Variants in HTT observed in about 807,000 individuals in gnomAD.
HTT encodes huntington disease protein.
HTT carries 104 observed loss-of-function variants against 362.3 expected under a neutral mutation model. The observed-to-expected ratio is 0.29, with a 90% CI of 0.24 to 0.34. HTT has a LOEUF of 0.34. Ranked by LOEUF, HTT falls within the 10% of genes least tolerant of loss-of-function variation. HTT has a pLI of 1.00. For missense variants in HTT, 3,301 were observed against 3,928.6 expected, an observed-to-expected ratio of 0.84 and a Z score of 4.27; for synonymous variants, 1,577 against 1,548.7, an observed-to-expected ratio of 1.02 and a Z score of -0.43.
At chr4:3,227,030 A>G (rs1243903212) in intron 57 of HTT, among the ~76,000 whole-genome samples, 1 of 152,234 alleles carries the variant, frequency 6.6e-6, no homozygotes, top group African/African-American at 2.4e-5. Flanking sequence ...GCTGAGAGTG[A>G]GAGGCCTGGG....
intron 1 of HTT, among the ~76,000 whole-genome samples, chr4:3,081,550 C>CTTTTTTT (rs770325842): frequency 6.0e-4 from 51 of 84,472 alleles, no homozygotes; most frequent in African/African-American, 1.1e-3. Flanking sequence ...GAAAGCATTT[C>CTTTTTTT]TTTTTTTTTT....
In HTT at chr4:3,211,987, G is replaced by A; in HGVS notation, c.6473G>A (p.Gly2158Asp). 1 of 1,614,130 alleles carries A rather than the reference G, an allele frequency of 6.2e-7. No individual in the cohort carries two copies. The highest frequency in any genetic ancestry group is 8.5e-7 in the Non-Finnish European group (1 of 1,180,020). Residue 2158 changes from glycine to aspartate, a missense_variant, in exon 48 of 67, where the codon GGT becomes GAT. Physicochemically the swap from Gly to Asp is moderately conservative, Grantham distance 94 (BLOSUM62 -1). Transcript: ENST00000355072. Reference sequence around the variant, plus strand: ...AGCCTAGGGATGAGTGAAATTTCTGGTGGCCAGAAGAGTGCCCTTTTTGAA... The same window carrying A: ...AGCCTAGGGATGAGTGAAATTTCTGATGGCCAGAAGAGTGCCCTTTTTGAA... ...CLSLGMSEIS[G>D]GQKSALFEAA... is the part of the protein sequence containing the mutation.
At position 3,121,376 on chromosome 4, in the gene HTT, C is replaced by T. The variant is rs552345404; in HGVS notation, c.1217C>T (p.Ala406Val). 6.2e-7 allele frequency: 1 copy of T among 1,614,144 alleles called. No homozygotes were observed. The highest frequency in any genetic ancestry group is 2.2e-5 in the East Asian group (1 of 44,882). The change falls in exon 9 of 67, where the codon GCT becomes GTT. Residue 406 changes from alanine (A) to valine (V), a missense_variant. This residue lies in a region of HTT where 2,316 missense variants were observed against 2,658.5 expected (regional missense o/e 0.87). Transcript: ENST00000355072. ...TAVGGIGQLTAAKEESGGRSR... is the reference protein window; with the variant it reads ...TAVGGIGQLTVAKEESGGRSR... ...GTCGGGGGCATTGGGCAGCTCACCG[C>T]TGCTAAGGAGGAGTCTGGTGGCCGA...
chr4:3,167,298 C>T (rs1717765882), intron 29 of HTT, among the ~76,000 whole-genome samples: 1 of 152,098 alleles, frequency 6.6e-6, no homozygotes, highest in South Asian at 2.1e-4. Flanking sequence ...GTCTCGAACT[C>T]CTGACCTTGT....
At chr4:3,075,683 G>A (rs571333342) in intron 1 of HTT, among the ~76,000 whole-genome samples, 9 of 151,588 alleles carry the variant, frequency 5.9e-5, no homozygotes, top group African/African-American at 1.9e-4. Context: ...CGTCCAATGG[G>A]AGATTTCTTT....
chr4:3,089,625 A>G (rs961700787), intron 2 of HTT, among the ~76,000 whole-genome samples: 1 of 152,188 alleles, frequency 6.6e-6, no homozygotes, highest in Admixed American at 6.5e-5. Context: ...GATCTCCACC[A>G]TCCAGGTCTC....
At position 3,074,875 on chromosome 4, in the gene HTT, TCCAGCAGCAGCAGCA is replaced by T. The variant is rs1560534775; in HGVS notation, c.51_65del (p.Phe17_Gln22delinsLeu). The T allele has an allele frequency of 7.8e-7, 1 of 1,287,732 alleles. No homozygotes were observed. Among genetic ancestry groups the T allele is most frequent in the Admixed American group, 2.6e-5 (1 of 38,614 alleles). The allele number at this position is 1,287,732 out of a possible 1,614,324, so 79.8% of individuals were successfully genotyped here. Reference sequence around the variant, plus strand: ...AAGGCCTTCGAGTCCCTCAAGTCCTTCCAGCAGCAGCAGCAGCAGCAGCAGCAGCAGCAGCAGCAG... The same window carrying T: ...AAGGCCTTCGAGTCCCTCAAGTCCTTGCAGCAGCAGCAGCAGCAGCAGCAG... On this transcript the variant is annotated inframe_deletion, in exon 1 of 67. Transcript: ENST00000355072.
At position 3,208,912 on chromosome 4, in the gene HTT, G is replaced by GT. The variant is rs2110272078; in HGVS notation, c.6291+2dup. 1 of 1,609,570 alleles carries GT rather than the reference G, an allele frequency of 6.2e-7. No homozygotes were observed. The highest frequency in any genetic ancestry group is 8.5e-7 in the Non-Finnish European group (1 of 1,178,668). On this transcript the variant is annotated splice_donor_variant, in intron 46 of 66. Coordinates refer to ENST00000355072, the MANE Select transcript of HTT (RefSeq NM_001388492.1). LOFTEE classifies it high-confidence loss of function. ...ACTGGAAACAGTGAGTCCGGACAAA[G>GT]TAAGTGTCCAGCGTGTCTGCATGGG...
intron 8 of HTT, among the ~76,000 whole-genome samples, chr4:3,117,479 A>G (rs1373916423): frequency 6.6e-6 from 1 of 151,930 alleles, no homozygotes; most frequent in Non-Finnish European, 1.5e-5. Context: ...TTATCCTCTT[A>G]TTTCATCTAT....
At chr4:3,096,033 A>G (rs1209863276) in intron 2 of HTT, among the ~76,000 whole-genome samples, 5 of 152,244 alleles carry the variant, frequency 3.3e-5, no homozygotes, top group African/African-American at 1.2e-4. Flanking sequence ...ACAGAACGGA[A>G]AGAAGTTCAC....
chr4:3,207,691 A>G (rs1415966313), intron 45 of HTT, among the ~76,000 whole-genome samples: 1 of 152,230 alleles, frequency 6.6e-6, no homozygotes, highest in Non-Finnish European at 1.5e-5. Flanking sequence ...AGCAAAATCA[A>G]AGCATGTCAT....
chr4:3,115,685 G>A (rs574504455), intron 7 of HTT, among the ~76,000 whole-genome samples: 3 of 152,300 alleles, frequency 2.0e-5, no homozygotes, highest in African/African-American at 7.2e-5. Context: ...CTGCCACCCA[G>A]GGCCTGGCCC....
chr4:3,160,035 C>T (rs1717359815), intron 28 of HTT, among the ~76,000 whole-genome samples: 1 of 152,150 alleles, frequency 6.6e-6, no homozygotes, highest in Non-Finnish European at 1.5e-5. Context: ...TTATTTCTTC[C>T]AGTAGCGCCA....
At chr4:3,121,560 A>G (rs1715297660) in intron 9 of HTT, 128 bp downstream of exon 9, 2 of 644,490 alleles carry the variant, frequency 3.1e-6, no homozygotes, top group Non-Finnish European at 5.4e-6. Context: ...CTTATAATAC[A>G]AATTTCATCT....
At position 3,215,101 on chromosome 4, in the gene HTT, T is replaced by TAACA. The variant is rs1212467057; in HGVS notation, c.6953-7_6953-6insCAAA. On this transcript the variant is annotated splice_polypyrimidine_tract_variant and intron_variant, in intron 50 of 66. Transcript: ENST00000355072. ...AGAAATTCTTCTCTTTGTTCTGTTG[T>TAACA]AATTTTAGTTGCAGTGCAGCCTGGA... is the stretch of plus-strand genomic sequence containing the variant. 4 of 1,603,006 alleles carry TAACA rather than the reference T, an allele frequency of 2.5e-6. No homozygotes were observed. The African/African-American group carries it at 5.4e-5, about 21-fold the overall frequency.
At chr4:3,224,888 A>C (rs1414417691) in intron 56 of HTT, among the ~76,000 whole-genome samples, 1 of 152,212 alleles carries the variant, frequency 6.6e-6, no homozygotes, top group African/African-American at 2.4e-5. Context: ...CAAGGAGCTC[A>C]TAAGTCAGGA....
chr4:3,132,443 C>G (rs1395123114), intron 16 of HTT, 119 bp from the exon 17 acceptor site: 2 of 784,952 alleles, frequency 2.5e-6, no homozygotes, highest in African/African-American at 3.5e-5. Context: ...GAAGTCATTT[C>G]TGAATTTGGA....
chr4:3,190,557 C>A (rs1330516689), intron 40 of HTT, among the ~76,000 whole-genome samples: 3 of 151,578 alleles, frequency 2.0e-5, no homozygotes, highest in South Asian at 4.2e-4. Context: ...AGCAAGAGAC[C>A]CCATCTCCAC....
chr4:3,210,580 C>T (rs1267423459), intron 47 of HTT, among the ~76,000 whole-genome samples: 1 of 151,426 alleles, frequency 6.6e-6, no homozygotes, highest in Admixed American at 6.6e-5. Context: ...TGTCCCTGTC[C>T]CTCACCCGTG....
Sources: gnomAD v4.1 joint callset for allele counts (sites outside exome capture counted in the v4.1 genomes callset) on GRCh38, gnomAD v4.1.1 for gene constraint, gnomAD v4.1.1 regional missense constraint, MANE v1.5 for transcripts, NCBI Gene and HGNC (gene_info 2026-07-23, HGNC 2026-07-21) for gene names.